The following IL7 variants were observed in gnomAD, a reference collection of about 807,000 sequenced individuals.
IL7 encodes the protein interleukin 7.
Under a neutral mutation model 21.6 loss-of-function variants are expected in IL7, and 3 were observed. That is an observed-to-expected ratio of 0.14 (90% CI 0.06 to 0.36). The LOEUF (loss-of-function observed/expected upper bound fraction) is 0.36. IL7 is among the 10% of genes least tolerant of loss of function. The pLI, the probability that IL7 is intolerant of heterozygous loss-of-function variation, is 1.00. For synonymous variants in IL7, 62 were observed against 68.1 expected (o/e 0.91, Z 0.44); for missense variants, 175 against 200.2 (o/e 0.87, Z 0.76).
intron 2 of IL7, among the ~76,000 whole-genome samples, chr8:78,745,071 G>A (rs1272772281): frequency 1.3e-5 from 2 of 152,180 alleles, no homozygotes; most frequent in Non-Finnish European, 2.9e-5. Context: ...CTCTTTGTGA[G>A]AGCCACTCAC....
chr8:78,757,751 T>C (rs1812399096), intron 2 of IL7, among the ~76,000 whole-genome samples: 1 of 152,062 alleles, frequency 6.6e-6, no homozygotes, highest in African/African-American at 2.4e-5. Flanking sequence ...ATGGTTTCCG[T>C]CACTTCACTT....
intron 3 of IL7, among the ~76,000 whole-genome samples, chr8:78,687,774 AT>A (rs1563626992): frequency 1.5e-5 from 2 of 129,472 alleles, no homozygotes; most frequent in Non-Finnish European, 3.1e-5. Flanking sequence ...AAGACATTAT[AT>A]ATATATTTAC....
intron 3 of IL7, among the ~76,000 whole-genome samples, chr8:78,707,264 AT>A (rs1231661756): frequency 1.3e-5 from 2 of 152,196 alleles, no homozygotes; most frequent in African/African-American, 4.8e-5. Flanking sequence ...AGTACTGGCA[AT>A]TTTATCAGTT....
chr8:78,779,771 T>A (rs760349270), intron 2 of IL7, among the ~76,000 whole-genome samples: 14 of 152,036 alleles, frequency 9.2e-5, no homozygotes, highest in Non-Finnish European at 1.9e-4. Context: ...TAGTGAGGAG[T>A]CCCTCCTTTT....
At chr8:78,732,309 A>G (rs1468178492), downstream of IL7, among the ~76,000 whole-genome samples, 1 of 152,156 alleles carries the variant, frequency 6.6e-6, no homozygotes, top group Non-Finnish European at 1.5e-5. Flanking sequence ...AGTGTATACA[A>G]TTCTATACAG....
intron 2 of IL7, among the ~76,000 whole-genome samples, chr8:78,749,670 G>A (rs1812102826): frequency 6.6e-6 from 1 of 152,106 alleles, no homozygotes; most frequent in South Asian, 2.1e-4. Flanking sequence ...ATAGTTGTGG[G>A]GGCTATATAC....
chr8:78,767,321 A>G (rs2130778734), intron 2 of IL7, among the ~76,000 whole-genome samples: 1 of 152,036 alleles, frequency 6.6e-6, no homozygotes, highest in East Asian at 1.9e-4. Context: ...TTTGGAGTTT[A>G]ACATAATTTA....
At chr8:78,750,101 T>A (rs2919921) in intron 2 of IL7, among the ~76,000 whole-genome samples, 35,807 of 151,718 alleles carry the variant, frequency 0.24, 4,952 homozygotes, top group African/African-American at 0.38. Context: ...AACTCAAGGG[T>A]GACTATTTTA....
At chr8:78,762,858 T>C (rs1812624879) in intron 2 of IL7, among the ~76,000 whole-genome samples, 1 of 152,238 alleles carries the variant, frequency 6.6e-6, no homozygotes, top group Non-Finnish European at 1.5e-5. Context: ...GTCCTTACCT[T>C]ATCTGTGCAT....
chr8:78,791,732 G>T (rs879593413), intron 2 of IL7, among the ~76,000 whole-genome samples: 2 of 151,950 alleles, frequency 1.3e-5, no homozygotes, highest in African/African-American at 4.8e-5. Flanking sequence ...GAATGAAAAC[G>T]GATCTTGAGA....
At chr8:78,772,804 T>C (rs892377504) in intron 2 of IL7, among the ~76,000 whole-genome samples, 4 of 152,158 alleles carry the variant, frequency 2.6e-5, no homozygotes, top group Non-Finnish European at 4.4e-5. Context: ...TTACCCATGT[T>C]TTTGTAAATC....
At chr8:78,738,058 A>T (rs534462629) in intron 4 of IL7, among the ~76,000 whole-genome samples, 2 of 152,254 alleles carry the variant, frequency 1.3e-5, no homozygotes, top group East Asian at 3.9e-4. Flanking sequence ...TTATTTAAAG[A>T]AGGGAAAATT....
In IL7 at chr8:78,687,920, ATTAT is replaced by A. The variant is rs934021825; in HGVS notation, n.215-1977_215-1974del. 5.4e-3 allele frequency among the ~76,000 whole-genome samples: 684 copies of A among 125,772 alleles called. 7 individuals carry two copies. The highest frequency in any genetic ancestry group is 0.018 in the African/African-American group (656 of 35,572). The allele number at this position is 125,772 out of a possible 152,430, so 82.5% of individuals were successfully genotyped here. On this transcript the variant is annotated intron_variant and non_coding_transcript_variant, in intron 3 of 4. Transcript: ENST00000523959. ...TTATATATATTTATATAAATATATA[ATTAT>A]TTATATCTATATTTTTATATATAAA...
intron 3 of IL7, among the ~76,000 whole-genome samples, chr8:78,705,946 A>G (rs1376888822): frequency 6.6e-6 from 1 of 152,062 alleles, no homozygotes; most frequent in Non-Finnish European, 1.5e-5. Flanking sequence ...GAATACCAGC[A>G]GGGATGGTTG....
intron 2 of IL7, among the ~76,000 whole-genome samples, chr8:78,758,502 G>A (rs1484323805): frequency 6.6e-6 from 1 of 151,798 alleles, no homozygotes; most frequent in Non-Finnish European, 1.5e-5. Flanking sequence ...ACTTATAGAT[G>A]TTGTACTCCC....
intron 2 of IL7, among the ~76,000 whole-genome samples, chr8:78,778,153 G>T (rs1586096606): frequency 3.3e-5 from 5 of 152,020 alleles, no homozygotes; most frequent in Admixed American, 3.3e-4. Flanking sequence ...AAACCTCATA[G>T]TCTGGTAAAC....
chr8:78,735,365 T>G (rs376345915), intron 5 of IL7, among the ~76,000 whole-genome samples: 1 of 145,542 alleles, frequency 6.9e-6, no homozygotes, highest in East Asian at 2.0e-4. Context: ...CAGGCTAGAG[T>G]GTAGTGGCGC....
chr8:78,689,214 T>C (rs377254636), intron 3 of IL7: 21 of 1,467,186 alleles, frequency 1.4e-5, no homozygotes, highest in Non-Finnish European at 1.8e-5. Context: ...CGTTTTTATC[T>C]GTTATAGATT....
rs558401508 is a variant in IL7, at chr8:78,697,394, T to C, written n.215-11447A>G. On this transcript the variant is annotated intron_variant and non_coding_transcript_variant, in intron 3 of 4. Coordinates refer to the IL7 transcript ENST00000523959. ...AAGTGATGTTGATTAATATTTTTTT[T>C]CCATTATTTTAGTATAAGCCACCCG... 60 of 1,566,138 alleles carry C rather than the reference T, an allele frequency of 3.8e-5. 1 individual carries two copies. In the South Asian group the frequency reaches 5.5e-4, roughly 14 times the overall value.
Sources: gnomAD v4.1 joint callset for allele counts (sites outside exome capture counted in the v4.1 genomes callset) on GRCh38, gnomAD v4.1.1 for gene constraint, MANE v1.5 for transcripts, NCBI Gene and HGNC (gene_info 2026-07-23, HGNC 2026-07-21) for gene names.